The following GCNT1 variants were observed in gnomAD, a reference collection of about 807,000 sequenced individuals.
GCNT1 encodes the protein glucosaminyl (N-acetyl) transferase 1.
In GCNT1, 16 loss-of-function variants were observed where a neutral mutation model predicts 26.2. The observed-to-expected ratio is 0.61, with a 90% CI of 0.41 to 0.93. The LOEUF (loss-of-function observed/expected upper bound fraction) is 0.93, where lower values mean the gene tolerates loss of function less well. Among genes scored for constraint, GCNT1 ranks in the 40% least tolerant of loss-of-function variants. The pLI, the probability that GCNT1 is intolerant of heterozygous loss-of-function variation, is 0.00. For synonymous variants in GCNT1, 183 were observed against 190.8 expected (o/e 0.96, Z 0.34); for missense variants, 477 against 526.7 (o/e 0.91, Z 0.92).
chr9:76,421,037 G>T (rs1823183890), intron 1 of GCNT1, among the ~76,000 whole-genome samples: 1 of 151,782 alleles, frequency 6.6e-6, no homozygotes, highest in Admixed American at 6.6e-5. Flanking sequence ...TGTTAGTGGT[G>T]GTTCTGAATG....
intron 2 of GCNT1, among the ~76,000 whole-genome samples, chr9:76,490,620 C>G (rs951650473): frequency 2.0e-5 from 3 of 152,152 alleles, no homozygotes; most frequent in Non-Finnish European, 2.9e-5. Context: ...TTTTTGTTTG[C>G]TATTAATAAA....
Position 76,502,263 on chromosome 9 carries a change from G to T in GCNT1, c.-119G>T. ...GTGCTGCTCTTCATTTCAAGATGCC[G>T]TTGCAGCTCTGATAAATGCAAACTG... On this transcript the variant is annotated 5_prime_UTR_variant, in exon 4 of 4. Coordinates refer to ENST00000376730, the MANE Select transcript of GCNT1 (RefSeq NM_001490.5). The T allele has an allele frequency of 3.8e-6, 2 of 523,236 alleles. No individual in the cohort carries two copies. Among genetic ancestry groups the T allele is most frequent in the Non-Finnish European group, 6.8e-6 (2 of 294,992 alleles). The allele number at this position is 523,236 out of a possible 1,614,324, so 32.4% of individuals were successfully genotyped here.
At chr9:76,436,063 C>T (rs562833407) in intron 1 of GCNT1, among the ~76,000 whole-genome samples, 3 of 151,266 alleles carry the variant, frequency 2.0e-5, no homozygotes, top group Non-Finnish European at 4.4e-5. Context: ...TCAATTCTCC[C>T]TCCTCAGCCT....
At chr9:76,447,024 G>A (rs996370706) in intron 1 of GCNT1, among the ~76,000 whole-genome samples, 5 of 151,476 alleles carry the variant, frequency 3.3e-5, no homozygotes, top group East Asian at 3.9e-4. Context: ...GCATGGTAGC[G>A]TCCACCTGTA....
intron 2 of GCNT1, among the ~76,000 whole-genome samples, chr9:76,473,838 C>T (rs1824195478): frequency 1.3e-5 from 2 of 152,168 alleles, no homozygotes; most frequent in Admixed American, 6.5e-5. Context: ...CACAGTGGCT[C>T]ACACCTATCA....
chr9:76,402,445 A>C, the GCNT1 span, among the ~76,000 whole-genome samples: 1 of 152,218 alleles, frequency 6.6e-6, no homozygotes, highest in African/African-American at 2.4e-5. Flanking sequence ...AAGCACACAA[A>C]TTGTAAATTA....
chr9:76,436,320 C>G lies in GCNT1; in HGVS notation n.38+16433C>G, dbSNP rs1181145352. ...GAATTTGGGGGAAATTACACCATTT[C>G]CCTGCTTAGAAAGTCACAATGCCTT... is the stretch of plus-strand genomic sequence containing the variant. On this transcript the variant is annotated intron_variant and non_coding_transcript_variant, in intron 1 of 3. Transcript: ENST00000488136. 3.3e-5 allele frequency among the ~76,000 whole-genome samples: 5 copies of G among 151,946 alleles called. No homozygotes were observed. In the East Asian group the frequency reaches 9.7e-4, roughly 29 times the overall value.
chr9:76,503,248 C>T lies in GCNT1; in HGVS notation c.867C>T (p.Phe289=), dbSNP rs1467025804. ...ETPLFSGSAY[F]VVSREYVGYV... Reference sequence around the variant, plus strand: ...CTCTCTTTTCTGGCAGTGCCTACTTCGTGGTCAGTAGGGAGTATGTGGGGT... The same window carrying T: ...CTCTCTTTTCTGGCAGTGCCTACTTTGTGGTCAGTAGGGAGTATGTGGGGT... The change falls in exon 4 of 4, where the codon TTC becomes TTT. Residue 289 remains phenylalanine (F), a synonymous_variant. Coordinates refer to ENST00000376730, the MANE Select transcript of GCNT1 (RefSeq NM_001490.5). 9 of 1,614,074 alleles carry T rather than the reference C, an allele frequency of 5.6e-6. No individual in the cohort carries two copies. Among genetic ancestry groups the T allele is most frequent in the Middle Eastern group, 3.3e-4 (2 of 6,062 alleles).
chr9:76,498,488 T>C (rs987627603), intron 2 of GCNT1, among the ~76,000 whole-genome samples: 1 of 152,018 alleles, frequency 6.6e-6, no homozygotes, highest in African/African-American at 2.4e-5. Flanking sequence ...AAAAATACAC[T>C]AGGGCTGGGT....
Position 76,502,295 on chromosome 9 carries a change from T to C in GCNT1, c.-87T>C, listed in dbSNP as rs1587459835. 9.0e-6 allele frequency: 8 copies of C among 884,052 alleles called. No individual in the cohort carries two copies. Among genetic ancestry groups the C allele is most frequent in the African/African-American group, 1.7e-5 (1 of 60,040 alleles). The allele number at this position is 884,052 out of a possible 1,614,324, so 54.8% of individuals were successfully genotyped here. A position where few individuals can be genotyped will look rare whatever the true frequency, so the allele number is the denominator to read the frequency against. ...CTCTGATAAATGCAAACTGACAACC[T>C]TCAAGGCCACGACGGAGGGAAAATC... is the stretch of plus-strand genomic sequence containing the variant. On this transcript the variant is annotated 5_prime_UTR_variant, in exon 4 of 4. Transcript: ENST00000376730.
intron 1 of GCNT1, among the ~76,000 whole-genome samples, chr9:76,449,312 CA>C (rs35445634): frequency 0.27 from 39,469 of 148,272 alleles, 5,226 homozygotes; most frequent in South Asian, 0.29. Flanking sequence ...TAAAAAACAA[CA>C]AAAAAAAAAA....
At position 76,503,729 on chromosome 9, in the gene GCNT1, C is replaced by A; in HGVS notation, c.*61C>A. 1 of 1,351,352 alleles carries A rather than the reference C, an allele frequency of 7.4e-7. No homozygotes were observed. Among genetic ancestry groups the A allele is most frequent in the Non-Finnish European group, 1.1e-6 (1 of 947,888 alleles). 83.7% of individuals were successfully genotyped at this position (1,351,352 alleles called of 1,614,324 possible). ...ACACAAAACGTACCCTTATCTGTTT[C>A]CCCTTCCTTGTCAGCATCGGGAAGA... On this transcript the variant is annotated 3_prime_UTR_variant, in exon 4 of 4. Coordinates refer to ENST00000376730, the MANE Select transcript of GCNT1 (RefSeq NM_001490.5).
chr9:76,461,540 A>G (rs1362534783), intron 2 of GCNT1, among the ~76,000 whole-genome samples: 1 of 145,022 alleles, frequency 6.9e-6, no homozygotes, highest in Non-Finnish European at 1.5e-5. Flanking sequence ...CCGAGATTGC[A>G]CCACTGCACT....
chr9:76,503,590 C>T lies in GCNT1; in HGVS notation c.1209C>T (p.Asp403=), dbSNP rs775826223. Residue 403 remains aspartate, a synonymous_variant, in exon 4 of 4, where the codon GAC becomes GAT. Transcript: ENST00000376730. ...RKHHLFANKF[D]VDVDLFAIQC... is the part of the protein sequence containing the mutation. The stretch of plus-strand genomic sequence containing the variant: ...ACCACTTGTTTGCCAATAAGTTTGA[C>T]GTGGATGTTGACCTCTTTGCCATCC... 2.2e-5 allele frequency: 35 copies of T among 1,614,104 alleles called. No homozygotes were observed. Among genetic ancestry groups the T allele is most frequent in the South Asian group, 9.9e-5 (9 of 91,080 alleles).
chr9:76,466,129 G>A lies in GCNT1; in HGVS notation c.-290+5952G>A, dbSNP rs1823988338. 2.0e-5 allele frequency among the ~76,000 whole-genome samples: 3 copies of A among 152,270 alleles called. No homozygotes were observed. In the South Asian group the frequency reaches 6.2e-4, roughly 32 times the overall value. ...GAGGGTGTAGAATGAGAAAAGAAAAGGGCTGGACCCGTAGAGTTTGATCAC... is the reference window on the plus strand; with the variant it reads ...GAGGGTGTAGAATGAGAAAAGAAAAAGGCTGGACCCGTAGAGTTTGATCAC... On this transcript the variant is annotated intron_variant, in intron 2 of 3. Coordinates refer to ENST00000376730, the MANE Select transcript of GCNT1 (RefSeq NM_001490.5).
intron 1 of GCNT1, among the ~76,000 whole-genome samples, chr9:76,428,292 T>TAAAAAAAAAAAACAAAA (rs1279001629): frequency 1.2e-5 from 1 of 85,894 alleles, no homozygotes; most frequent in Non-Finnish European, 2.6e-5. Flanking sequence ...AAAAAAAACT[T>TAAAAAAAAAAAACAAAA]AAAAAAAAAA....
intron 1 of GCNT1, among the ~76,000 whole-genome samples, chr9:76,434,002 G>A (rs570621168): frequency 6.6e-5 from 10 of 152,188 alleles, no homozygotes; most frequent in South Asian, 2.1e-4. Flanking sequence ...CTTATTCTTC[G>A]GTTCACTTAA....
intron 1 of GCNT1, among the ~76,000 whole-genome samples, chr9:76,442,883 T>C (rs545288049): frequency 6.6e-6 from 1 of 152,036 alleles, no homozygotes; most frequent in East Asian, 1.9e-4. Context: ...ATGTTGGGAA[T>C]ATACTAAAGC....
At chr9:76,416,208 C>G (rs1055740960), upstream of GCNT1, among the ~76,000 whole-genome samples, 9 of 152,140 alleles carry the variant, frequency 5.9e-5, no homozygotes, top group Admixed American at 5.9e-4. Context: ...AAGCATCTGA[C>G]TGTCGAGATG....
Sources: gnomAD v4.1 joint callset for allele counts (sites outside exome capture counted in the v4.1 genomes callset) on GRCh38, gnomAD v4.1.1 for gene constraint, MANE v1.5 for transcripts, NCBI Gene and HGNC (gene_info 2026-07-23, HGNC 2026-07-21) for gene names.